The following NBAS variants were observed in gnomAD, a reference collection of about 807,000 sequenced individuals.
NBAS encodes the protein NAG/BC035112 fusion.
NBAS carries 219 observed loss-of-function variants against 302.5 expected under a neutral mutation model. The observed-to-expected ratio is 0.72, with a 90% CI of 0.65 to 0.81. NBAS has a LOEUF of 0.81. NBAS is among the 30% of genes least tolerant of loss of function. The probability of loss-of-function intolerance (pLI) is 0.00; values close to 1 mark genes in which losing one functional copy is unlikely to be tolerated. For synonymous variants in NBAS, 1,118 were observed against 1,021.6 expected (o/e 1.09, Z -1.80); for missense variants, 2,932 against 2,841.6 (o/e 1.03, Z -0.72).
chr2:15,000,425 G>T, the NBAS span, among the ~76,000 whole-genome samples: 2 of 152,178 alleles, frequency 1.3e-5, no homozygotes, highest in Non-Finnish European at 2.9e-5. Flanking sequence ...GAAGATGGGA[G>T]CCTGACCTTG....
chr2:14,785,309 A>C, the NBAS span, among the ~76,000 whole-genome samples: 1 of 152,072 alleles, frequency 6.6e-6, no homozygotes, highest in Non-Finnish European at 1.5e-5. Context: ...AATACCCTTT[A>C]TTTCCTTCTC....
chr2:15,186,109 C>CACACACACACAT (rs780674526), intron 50 of NBAS, among the ~76,000 whole-genome samples: 15 of 145,002 alleles, frequency 1.0e-4, no homozygotes, highest in African/African-American at 3.9e-4. Flanking sequence ...CACACACACA[C>CACACACACACAT]ATATGTGTAT....
At chr2:14,843,144 A>G in the NBAS span, among the ~76,000 whole-genome samples, 1 of 152,160 alleles carries the variant, frequency 6.6e-6, no homozygotes, top group East Asian at 1.9e-4. Flanking sequence ...CCCTCAACAA[A>G]CTGGATATAG....
At chr2:15,445,275 A>T (rs567402242) in intron 21 of NBAS, among the ~76,000 whole-genome samples, 53 of 146,070 alleles carry the variant, frequency 3.6e-4, no homozygotes, top group Admixed American at 1.0e-3. Flanking sequence ...ACAATGATAG[A>T]CTGGATTAAG....
chr2:15,448,505 G>A (rs142918191), intron 21 of NBAS, among the ~76,000 whole-genome samples: 293 of 152,124 alleles, frequency 1.9e-3, no homozygotes, highest in Non-Finnish European at 3.0e-3. Context: ...CAAGACGTAC[G>A]TCCCTGTTTC....
At chr2:15,071,429 G>T in the NBAS span, among the ~76,000 whole-genome samples, 2 of 152,062 alleles carry the variant, frequency 1.3e-5, no homozygotes, top group African/African-American at 2.4e-5. Context: ...TTGGAGACCA[G>T]CCCGGCCAAT....
chr2:14,781,776 T>C, the NBAS span, among the ~76,000 whole-genome samples: 1 of 150,860 alleles, frequency 6.6e-6, no homozygotes, highest in African/African-American at 2.4e-5. Flanking sequence ...ATTAAGTGTG[T>C]TTAATATCCC....
chr2:15,359,080 C>A (rs765515697), intron 32 of NBAS, among the ~76,000 whole-genome samples: 2 of 152,158 alleles, frequency 1.3e-5, no homozygotes, highest in Admixed American at 6.6e-5. Flanking sequence ...ACTGTCAGTT[C>A]GCATCAAAAA....
At chr2:15,374,794 T>G in intron 30 of NBAS, 74 bp from the exon 31 acceptor site, 1 of 1,228,426 alleles carries the variant, frequency 8.1e-7, no homozygotes, top group Admixed American at 1.7e-5. Context: ...CCATGAGATC[T>G]AACACATATT....
intron 38 of NBAS, among the ~76,000 whole-genome samples, chr2:15,326,151 C>A (rs1053522988): frequency 6.6e-6 from 1 of 152,052 alleles, no homozygotes; most frequent in Non-Finnish European, 1.5e-5. Context: ...GTAACAGATA[C>A]AATAATAACG....
At chr2:14,911,521 T>A in the NBAS span, among the ~76,000 whole-genome samples, 1 of 152,042 alleles carries the variant, frequency 6.6e-6, no homozygotes, top group Admixed American at 6.6e-5. Flanking sequence ...AATGTATCGG[T>A]TTTAGAGTGA....
the NBAS span, among the ~76,000 whole-genome samples, chr2:15,014,226 G>C: frequency 2.4e-4 from 36 of 152,006 alleles, no homozygotes; most frequent in African/African-American, 8.2e-4. Flanking sequence ...TCTCAGGATT[G>C]AACATGTTAT....
At chr2:15,436,201 G>A (rs1352216590) in intron 21 of NBAS, among the ~76,000 whole-genome samples, 2 of 152,138 alleles carry the variant, frequency 1.3e-5, no homozygotes, top group Non-Finnish European at 2.9e-5. Context: ...AAAACTTATT[G>A]CACATTGAAT....
chr2:14,919,152 C>A, the NBAS span, among the ~76,000 whole-genome samples: 1 of 152,016 alleles, frequency 6.6e-6, no homozygotes, highest in Non-Finnish European at 1.5e-5. Context: ...ATACATGCAT[C>A]TCACCTTGGA....
At chr2:14,789,213 C>T in the NBAS span, among the ~76,000 whole-genome samples, 9 of 152,266 alleles carry the variant, frequency 5.9e-5, no homozygotes, top group East Asian at 3.9e-4. Flanking sequence ...GGGAGTGACC[C>T]GATTTTCCAG....
chr2:15,164,738 T>C (rs964901035), downstream of NBAS, among the ~76,000 whole-genome samples: 6 of 152,206 alleles, frequency 3.9e-5, no homozygotes, highest in Non-Finnish European at 8.8e-5. Flanking sequence ...ACATTCTCAA[T>C]ACCAGCACAA....
intron 44 of NBAS, among the ~76,000 whole-genome samples, chr2:15,274,120 A>C (rs1669459265): frequency 6.6e-6 from 1 of 152,164 alleles, no homozygotes. Flanking sequence ...TTAAAAACAA[A>C]AAACATGATT....
the NBAS span, among the ~76,000 whole-genome samples, chr2:15,089,536 A>T: frequency 1.3e-5 from 2 of 152,114 alleles, no homozygotes; most frequent in Non-Finnish European, 2.9e-5. Flanking sequence ...CTCCCAGTCC[A>T]GGCAGGTAAT....
Position 15,379,732 on chromosome 2 carries a change from CA to C in NBAS, c.3459del (p.Gly1154ValfsTer2). 1 of 1,613,998 alleles carries C rather than the reference CA, an allele frequency of 6.2e-7. No individual in the cohort carries two copies. The highest frequency in any genetic ancestry group is 8.5e-7 in the Non-Finnish European group (1 of 1,179,968). On this transcript the variant is annotated frameshift_variant, in exon 30 of 52. Transcript: ENST00000281513. LOFTEE classifies it high-confidence loss of function. Reference sequence around the variant, plus strand: ...TGGGGTTTCCCTTTATGGGCTATACCAGCTGGAGGATTTTCTGAACAAGCAC... The same window carrying C: ...TGGGGTTTCCCTTTATGGGCTATACCGCTGGAGGATTTTCTGAACAAGCAC... ...HCSACSENPP[A>X]GIAHKGKPHY...
Sources: gnomAD v4.1 joint callset for allele counts (sites outside exome capture counted in the v4.1 genomes callset) on GRCh38, gnomAD v4.1.1 for gene constraint, MANE v1.5 for transcripts, NCBI Gene and HGNC (gene_info 2026-07-23, HGNC 2026-07-21) for gene names.